The following SPPL3 variants were observed in gnomAD, a reference collection of about 807,000 sequenced individuals.
SPPL3 encodes the protein signal peptide peptidase-like 3.
A neutral mutation model predicts 42.4 loss-of-function variants in SPPL3; 5 were observed. The observed-to-expected ratio is 0.12, with a 90% CI of 0.06 to 0.25. The LOEUF is 0.25. Among genes scored for constraint, SPPL3 ranks in the 10% least tolerant of loss-of-function variants. SPPL3 has a pLI of 1.00. For missense variants in SPPL3, 235 were observed against 489.0 expected (o/e 0.48, Z 4.90); for synonymous variants, 195 against 181.8 (o/e 1.07, Z -0.58).
intron 1 of SPPL3, among the ~76,000 whole-genome samples, chr12:120,867,563 G>A (rs1872791782): frequency 1.3e-5 from 2 of 151,806 alleles, no homozygotes; most frequent in African/African-American, 4.8e-5. Context: ...TACTTGAGAG[G>A]CTGAGGCAGA....
At position 120,764,024 on chromosome 12, in the gene SPPL3, A is replaced by C. The variant is rs75452481; in HGVS notation, c.*975T>G. The C allele has an allele frequency of 6.6e-6, 1 of 152,644 alleles. No individual in the cohort carries two copies. Among genetic ancestry groups the C allele is most frequent in the Non-Finnish European group, 1.5e-5 (1 of 68,052 alleles). The allele number at this position is 152,644 out of a possible 1,614,324, so 9.5% of individuals were successfully genotyped here. A position where few individuals can be genotyped will look rare whatever the true frequency, so the allele number is the denominator to read the frequency against. On this transcript the variant is annotated 3_prime_UTR_variant, in exon 11 of 11. Transcript: ENST00000353487. ...AACACCCTGCGAGGGAGAAGCCTAG[A>C]AAAGAAAGAAAGGGCCAAAAGGTTT...
At chr12:120,777,143 A>T (rs1272358266) in intron 6 of SPPL3, among the ~76,000 whole-genome samples, 2 of 152,210 alleles carry the variant, frequency 1.3e-5, no homozygotes, top group Non-Finnish European at 2.9e-5. Context: ...ATGCACTGAA[A>T]AAATCTGGTT....
chr12:120,862,041 CCA>C (rs1355143310), intron 1 of SPPL3, among the ~76,000 whole-genome samples: 7 of 152,108 alleles, frequency 4.6e-5, no homozygotes, highest in Admixed American at 4.6e-4. Flanking sequence ...AAAATAATGT[CCA>C]CAGTGTCCAG....
At chr12:120,832,016 C>T (rs976613179) in intron 1 of SPPL3, among the ~76,000 whole-genome samples, 1 of 152,214 alleles carries the variant, frequency 6.6e-6, no homozygotes, top group Non-Finnish European at 1.5e-5. Context: ...CCAGCTACAG[C>T]TCTTGCCTCT....
intron 2 of SPPL3, among the ~76,000 whole-genome samples, chr12:120,798,014 C>T (rs1215871447): frequency 6.6e-6 from 1 of 152,158 alleles, no homozygotes; most frequent in African/African-American, 2.4e-5. Context: ...GAAGTAGAGA[C>T]TGGTTAGTTA....
chr12:120,838,511 T>C (rs1592988359), intron 1 of SPPL3, among the ~76,000 whole-genome samples: 1 of 152,332 alleles, frequency 6.6e-6, no homozygotes, highest in African/African-American at 2.4e-5. Flanking sequence ...TCCTAGTCAG[T>C]GTGGAGGATC....
Position 120,802,397 on chromosome 12 carries a change from A to ATG in SPPL3, c.101+8410_101+8411dup, listed in dbSNP as rs71453508. Among the ~76,000 whole-genome samples the ATG allele has an allele frequency of 6.5e-4, 78 of 119,836 alleles. 1 individual carries two copies. The highest frequency in any genetic ancestry group is 1.0e-3 in the South Asian group (4 of 3,914). 78.6% of individuals were successfully genotyped at this position (119,836 alleles called of 152,430 possible). A position where few individuals can be genotyped will look rare whatever the true frequency, so the allele number is the denominator to read the frequency against. ...TATATATGTATATATATACACATAT[A>ATG]TGTGTGTGTGTGTGTGTGTATATAT... On this transcript the variant is annotated intron_variant, in intron 2 of 10. Transcript: ENST00000353487.
At chr12:120,821,437 A>G (rs1411734595) in intron 1 of SPPL3, among the ~76,000 whole-genome samples, 1 of 152,256 alleles carries the variant, frequency 6.6e-6, no homozygotes, top group African/African-American at 2.4e-5. Flanking sequence ...GGCAAGGGAA[A>G]GAAATTAGGC....
At chr12:120,822,461 C>T (rs1271176529) in intron 1 of SPPL3, among the ~76,000 whole-genome samples, 1 of 152,160 alleles carries the variant, frequency 6.6e-6, no homozygotes, top group Admixed American at 6.5e-5. Context: ...CAAAATCTAA[C>T]TTCAAGAAGA....
At chr12:120,898,950 A>G (rs1458634567) in intron 1 of SPPL3, among the ~76,000 whole-genome samples, 19 of 152,230 alleles carry the variant, frequency 1.2e-4, no homozygotes, top group Non-Finnish European at 1.5e-5. Flanking sequence ...CAGGGGTTCA[A>G]TACCAGTTAT....
In SPPL3 at chr12:120,782,711, A is replaced by T; in HGVS notation, c.446T>A (p.Leu149Gln). Residue 149 changes from leucine (L) to glutamine (Q), a missense_variant, in exon 6 of 11, where the codon CTG (leucine) becomes CAG (glutamine). Physicochemically the swap from Leu to Gln is moderately radical, Grantham distance 113. This residue lies in a region of SPPL3 where 110 missense variants were observed against 186.2 expected (regional missense o/e 0.59). Coordinates refer to ENST00000353487, the MANE Select transcript of SPPL3 (RefSeq NM_139015.5). ...CCAGATGAGGACGAGCATGACAGAC[A>T]GAGAGAATGACAGCAACTCAGCAGC... Reference protein sequence around the residue: ...FTAAELLSFSLSVMLVLIWVL... With the variant: ...FTAAELLSFSQSVMLVLIWVL... 6.2e-7 allele frequency: 1 copy of T among 1,611,550 alleles called. No individual in the cohort carries two copies.
At chr12:120,876,616 CAAAAAA>C (rs71076676) in intron 1 of SPPL3, among the ~76,000 whole-genome samples, 78 of 51,216 alleles carry the variant, frequency 1.5e-3, no homozygotes, top group Non-Finnish European at 2.2e-3. Context: ...GACTCTGTCT[CAAAAAA>C]AAAAAAAAAA....
chr12:120,787,358 T>C (rs1401014956), intron 3 of SPPL3, among the ~76,000 whole-genome samples: 2 of 152,330 alleles, frequency 1.3e-5, no homozygotes, highest in East Asian at 3.9e-4. Context: ...GGGGTGTACA[T>C]GGCTTTTTAA....
chr12:120,803,215 T>G (rs1287753777), intron 2 of SPPL3, among the ~76,000 whole-genome samples: 4 of 152,238 alleles, frequency 2.6e-5, no homozygotes, highest in African/African-American at 9.6e-5. Flanking sequence ...GTGCTGGCAT[T>G]ATGGTATGCA....
At chr12:120,841,078 C>A (rs149104846) in intron 1 of SPPL3, among the ~76,000 whole-genome samples, 26 of 152,222 alleles carry the variant, frequency 1.7e-4, no homozygotes, top group African/African-American at 5.8e-4. Flanking sequence ...ATAATCCCAG[C>A]ACTTTGGGAA....
intron 1 of SPPL3, among the ~76,000 whole-genome samples, chr12:120,847,186 G>A (rs1872066814): frequency 6.6e-6 from 1 of 152,006 alleles, no homozygotes; most frequent in South Asian, 2.1e-4. Flanking sequence ...TAAACCAGAA[G>A]AAAGGGAGAT....
At chr12:120,858,107 ACCAGAAAAAAAACATG>A (rs1872517444) in intron 1 of SPPL3, among the ~76,000 whole-genome samples, 1 of 152,184 alleles carries the variant, frequency 6.6e-6, no homozygotes, top group South Asian at 2.1e-4. Context: ...ATAAAAACAT[ACCAGAAAAAAAACATG>A]CCTTTAAAAC....
At chr12:120,901,448 G>C (rs181814615) in intron 1 of SPPL3, among the ~76,000 whole-genome samples, 2 of 151,904 alleles carry the variant, frequency 1.3e-5, no homozygotes, top group African/African-American at 4.8e-5. Context: ...AAAAAAAGCC[G>C]GGCATGGTGG....
At chr12:120,865,773 G>T (rs1307141607) in intron 1 of SPPL3, among the ~76,000 whole-genome samples, 4 of 152,172 alleles carry the variant, frequency 2.6e-5, no homozygotes, top group African/African-American at 9.7e-5. Context: ...CCAACCCCCA[G>T]GCCACAGACT....
Sources: gnomAD v4.1 joint callset for allele counts (sites outside exome capture counted in the v4.1 genomes callset) on GRCh38, gnomAD v4.1.1 for gene constraint, gnomAD v4.1.1 regional missense constraint, MANE v1.5 for transcripts, NCBI Gene and HGNC (gene_info 2026-07-23, HGNC 2026-07-21) for gene names.